FBXW8: variants seen among roughly 807,000 people sequenced by gnomAD.
FBXW8 encodes the protein F-box/WD repeat-containing protein 8.
A neutral mutation model predicts 65.3 loss-of-function variants in FBXW8; 57 were observed. The observed-to-expected ratio is 0.87, with a 90% CI of 0.71 to 1.09. The LOEUF (loss-of-function observed/expected upper bound fraction) is 1.09, where lower values mean the gene tolerates loss of function less well. Among genes scored for constraint, FBXW8 ranks in the 50% least tolerant of loss-of-function variants. The probability of loss-of-function intolerance (pLI) is 0.00; values close to 1 mark genes in which losing one functional copy is unlikely to be tolerated. For missense variants in FBXW8, 777 were observed against 814.8 expected, an observed-to-expected ratio of 0.95 and a Z score of 0.57; for synonymous variants, 308 against 330.2, an observed-to-expected ratio of 0.93 and a Z score of 0.73.
At chr12:117,012,803 A>G (rs77179139) in intron 8 of FBXW8, among the ~76,000 whole-genome samples, 4,100 of 152,274 alleles carry the variant, frequency 0.027, 179 homozygotes, top group African/African-American at 0.087. Flanking sequence ...GCATTCTCTT[A>G]GTGCTTTATA....
intron 3 of FBXW8, among the ~76,000 whole-genome samples, chr12:116,946,874 G>A (rs192351068): frequency 2.4e-4 from 37 of 152,186 alleles, no homozygotes; most frequent in Admixed American, 1.8e-3. Flanking sequence ...GAGGGGCTGC[G>A]ATTTAAGGAA....
Position 116,988,688 on chromosome 12 carries a change from A to G in FBXW8, c.1058A>G (p.Glu353Gly). Residue 353 changes from glutamate (E) to glycine (G), a missense_variant, in exon 7 of 11, where the codon GAA becomes GGA. Physicochemically the swap from Glu to Gly is moderately conservative, Grantham distance 98 (BLOSUM62 -2). Coordinates refer to ENST00000652555, the MANE Select transcript of FBXW8 (RefSeq NM_153348.3). ...GTTCAGTACCTTGAAATAGTTCCAG[A>G]AACCAGAAGGTACCCTGTGGCAGTA... ...KLVQYLEIVPETRRYPVAVAA... is the reference protein window; with the variant it reads ...KLVQYLEIVPGTRRYPVAVAA... The G allele has an allele frequency of 1.2e-6, 2 of 1,614,158 alleles. No homozygotes were observed. The highest frequency in any genetic ancestry group is 1.7e-6 in the Non-Finnish European group (2 of 1,180,026).
intron 10 of FBXW8, 92 bp from the exon 11 acceptor site, chr12:117,027,936 C>T (rs1954272956): frequency 1.3e-6 from 2 of 1,542,192 alleles, no homozygotes; most frequent in African/African-American, 2.7e-5. Flanking sequence ...TCTATCTGGT[C>T]TCAGGCGAAC....
intron 8 of FBXW8, among the ~76,000 whole-genome samples, chr12:117,022,232 G>A (rs774274860): frequency 1.1e-4 from 17 of 151,770 alleles, no homozygotes; most frequent in African/African-American, 2.7e-4. Flanking sequence ...CTGGGGATTC[G>A]TTTTGATAAT....
intron 2 of FBXW8, among the ~76,000 whole-genome samples, chr12:116,930,243 C>A (rs1881664340): frequency 6.6e-6 from 1 of 152,204 alleles, no homozygotes; most frequent in Non-Finnish European, 1.5e-5. Context: ...TTCTAAGGAA[C>A]CTGTTTCCTT....
intron 9 of FBXW8, among the ~76,000 whole-genome samples, chr12:117,025,793 T>TGGATCAGCCATCCAGGTCCTCAGGGATGG (rs1954214518): frequency 6.6e-6 from 1 of 151,764 alleles, no homozygotes; most frequent in South Asian, 2.1e-4. Flanking sequence ...AGGAAAACCC[T>TGGATCAGCCATCCAGGTCCTCAGGGATGG]GGATCAGCCA....
intron 10 of FBXW8, 58 bp from the exon 11 acceptor site, chr12:117,027,970 C>T: frequency 1.2e-6 from 2 of 1,606,290 alleles, no homozygotes; most frequent in East Asian, 4.5e-5. Flanking sequence ...ACAGAAGCGG[C>T]TGGGGTGAGG....
chr12:116,924,075 C>T (rs1881128076), intron 1 of FBXW8, among the ~76,000 whole-genome samples: 2 of 152,230 alleles, frequency 1.3e-5, no homozygotes, highest in African/African-American at 4.8e-5. Flanking sequence ...CCAGATTTCT[C>T]TATTTTAATA....
intron 1 of FBXW8, 148 bp from the exon 2 acceptor site, chr12:116,927,874 GA>G (rs1421411223): frequency 1.7e-6 from 1 of 585,572 alleles, no homozygotes; most frequent in Non-Finnish European, 3.0e-6. Flanking sequence ...ACTGCCTGGT[GA>G]AACAGTATGG....
chr12:116,977,948 T>G (rs1885058372), intron 5 of FBXW8: 1 of 152,278 alleles, frequency 6.6e-6, no homozygotes, highest in South Asian at 2.1e-4. Context: ...ACTAAATATA[T>G]TCAATCTTAC....
chr12:116,942,706 G>T (rs1882679240), intron 2 of FBXW8, among the ~76,000 whole-genome samples: 1 of 147,472 alleles, frequency 6.8e-6, no homozygotes. Flanking sequence ...GCTCAAACTT[G>T]TTGTTGAGCG....
At chr12:116,928,656 T>C (rs1881529498) in intron 2 of FBXW8, among the ~76,000 whole-genome samples, 1 of 152,156 alleles carries the variant, frequency 6.6e-6, no homozygotes, top group African/African-American at 2.4e-5. Context: ...TACAGATCAA[T>C]GTCACCCGTC....
At chr12:117,024,612 T>G (rs566987026) in intron 9 of FBXW8, among the ~76,000 whole-genome samples, 2 of 152,222 alleles carry the variant, frequency 1.3e-5, no homozygotes, top group Non-Finnish European at 2.9e-5. Flanking sequence ...TGAAACTACT[T>G]TTTTGCAAGT....
intron 1 of FBXW8, among the ~76,000 whole-genome samples, chr12:116,913,940 G>A (rs750367064): frequency 6.6e-6 from 1 of 152,120 alleles, no homozygotes; most frequent in Non-Finnish European, 1.5e-5. Context: ...GGTTCTCTAT[G>A]AGTAGCATAC....
chr12:117,024,119 C>T (rs775229256), intron 8 of FBXW8, 28 bp from the exon 9 acceptor site: 9 of 1,603,854 alleles, frequency 5.6e-6, no homozygotes, highest in Non-Finnish European at 7.7e-6. Flanking sequence ...CCCCATTTCC[C>T]TTCTCTGCTC....
intron 5 of FBXW8, among the ~76,000 whole-genome samples, chr12:116,976,194 T>C (rs1302893520): frequency 2.0e-5 from 3 of 152,174 alleles, no homozygotes; most frequent in African/African-American, 7.2e-5. Context: ...TTAAAAACAA[T>C]GTTACATGAT....
chr12:116,926,905 A>G (rs1204477873), intron 1 of FBXW8, among the ~76,000 whole-genome samples: 1 of 152,128 alleles, frequency 6.6e-6, no homozygotes, highest in Non-Finnish European at 1.5e-5. Flanking sequence ...TAGGGTCTAA[A>G]TCAGTGCTTG....
intron 8 of FBXW8, among the ~76,000 whole-genome samples, chr12:117,015,322 G>T (rs1372355191): frequency 6.6e-6 from 1 of 152,128 alleles, no homozygotes; most frequent in Non-Finnish European, 1.5e-5. Flanking sequence ...TTGTTTTTGT[G>T]TTTTGTCCAT....
At chr12:116,931,466 A>G (rs932950416) in intron 2 of FBXW8, among the ~76,000 whole-genome samples, 1 of 152,136 alleles carries the variant, frequency 6.6e-6, no homozygotes, top group Admixed American at 6.5e-5. Context: ...CACTTTGAGT[A>G]GTATGGACAT....
Sources: allele counts gnomAD v4.1 joint callset (sites outside exome capture counted in the v4.1 genomes callset), GRCh38; gene constraint gnomAD v4.1.1; transcripts MANE v1.5; gene names NCBI Gene and HGNC (gene_info 2026-07-23, HGNC 2026-07-21).